TRAT1: variants seen among roughly 807,000 people sequenced by gnomAD.
TRAT1 encodes the protein T-cell receptor-associated transmembrane adapter 1.
In TRAT1, 20 loss-of-function variants were observed where a neutral mutation model predicts 20.0. The ratio of observed to expected loss-of-function variants is 1.00; its 90% CI spans 0.70 to 1.45. The LOEUF is 1.45. Among genes scored for constraint, TRAT1 ranks in the 40% most tolerant of loss-of-function variants. The pLI, the probability that TRAT1 is intolerant of heterozygous loss-of-function variation, is 0.00. For synonymous variants in TRAT1, 77 were observed against 74.2 expected, an observed-to-expected ratio of 1.04 and a Z score of -0.20; for missense variants, 237 against 224.1, an observed-to-expected ratio of 1.06 and a Z score of -0.37.
intron 5 of TRAT1, among the ~76,000 whole-genome samples, 156 bp from the exon 6 acceptor site, chr3:108,853,462 CTG>C (rs754187649): frequency 4.6e-5 from 7 of 152,122 alleles, no homozygotes; most frequent in Admixed American, 2.0e-4. Flanking sequence ...GTTTTCTGTT[CTG>C]TTTTTTGTTT....
intron 1 of TRAT1, among the ~76,000 whole-genome samples, chr3:108,826,916 A>C (rs76158826): frequency 0.011 from 1,686 of 152,304 alleles, 30 homozygotes; most frequent in African/African-American, 0.038. Context: ...AAGACATTAT[A>C]TTTGCTTAGC....
intron 3 of TRAT1, 126 bp from the exon 4 acceptor site, chr3:108,846,942 C>A: frequency 3.1e-6 from 2 of 653,238 alleles, no homozygotes; most frequent in African/African-American, 1.8e-5. Flanking sequence ...ACACACCTAC[C>A]GTGGTTGGCT....
intron 2 of TRAT1, among the ~76,000 whole-genome samples, chr3:108,835,618 A>G (rs1383536419): frequency 6.6e-6 from 1 of 152,194 alleles, no homozygotes; most frequent in Non-Finnish European, 1.5e-5. Flanking sequence ...TGCAGATTAT[A>G]CATTTACATC....
intron 3 of TRAT1, among the ~76,000 whole-genome samples, chr3:108,843,887 AG>A (rs887027633): frequency 1.3e-5 from 2 of 152,192 alleles, no homozygotes; most frequent in Non-Finnish European, 2.9e-5. Flanking sequence ...TTCTCTTACC[AG>A]CAGCCCCTTC....
chr3:108,846,400 A>G (rs1945942533), intron 3 of TRAT1, among the ~76,000 whole-genome samples: 1 of 152,206 alleles, frequency 6.6e-6, no homozygotes, highest in Non-Finnish European at 1.5e-5. Context: ...CCTGTAAAGC[A>G]GGGAAGAATA....
chr3:108,829,858 G>A (rs993809795), intron 1 of TRAT1, among the ~76,000 whole-genome samples: 7 of 151,988 alleles, frequency 4.6e-5, no homozygotes, highest in Non-Finnish European at 5.9e-5. Context: ...CTATATTAGT[G>A]GTTTATGTAT....
In TRAT1 at chr3:108,844,861, A is replaced by AG. The variant is rs796264528; in HGVS notation, c.153-2207_153-2206insG. 7.6e-3 allele frequency among the ~76,000 whole-genome samples: 1,037 copies of AG among 137,284 alleles called. 31 individuals are homozygous for AG. The highest frequency in any genetic ancestry group is 0.011 in the Middle Eastern group (3 of 268). 90.1% of individuals were successfully genotyped at this position (137,284 alleles called of 152,430 possible). On this transcript the variant is annotated intron_variant, in intron 3 of 5. Coordinates refer to ENST00000295756, the MANE Select transcript of TRAT1 (RefSeq NM_016388.4). ...TCTGTCTCAAAAAAAAAAAAAAAAA[A>AG]AAAAAAAAGAAATACGTGTATATAT...
chr3:108,833,698 C>T lies in TRAT1; in HGVS notation c.118+2918C>T, dbSNP rs1945814673. 4.6e-5 allele frequency among the ~76,000 whole-genome samples: 7 copies of T among 152,096 alleles called. 2 individuals are homozygous for T. The South Asian group carries it at 1.5e-3, about 32-fold the overall frequency. On this transcript the variant is annotated intron_variant, in intron 2 of 5. Coordinates refer to ENST00000295756, the MANE Select transcript of TRAT1 (RefSeq NM_016388.4). ...TTAGAACTCTGCCTTCAATATTTAG[C>T]TGGAAGATCTTGTACAAGTAACATA... is the stretch of plus-strand genomic sequence containing the variant.
chr3:108,841,413 G>C (rs912530996), intron 3 of TRAT1, among the ~76,000 whole-genome samples: 2 of 152,054 alleles, frequency 1.3e-5, no homozygotes, highest in Non-Finnish European at 2.9e-5. Context: ...GGGCATGGAA[G>C]CTCCACAAAC....
chr3:108,841,687 C>T (rs1945898114), intron 3 of TRAT1, among the ~76,000 whole-genome samples: 1 of 152,140 alleles, frequency 6.6e-6, no homozygotes, highest in East Asian at 1.9e-4. Flanking sequence ...TTTCCCCATT[C>T]CCTGCCCTTC....
At chr3:108,853,015 C>A (rs2107517430) in intron 5 of TRAT1, among the ~76,000 whole-genome samples, 1 of 152,178 alleles carries the variant, frequency 6.6e-6, no homozygotes, top group South Asian at 2.1e-4. Flanking sequence ...CAAGGCCAAT[C>A]CAAAATGAGC....
intron 5 of TRAT1, among the ~76,000 whole-genome samples, chr3:108,853,322 G>C (rs1946013785): frequency 6.6e-6 from 1 of 152,160 alleles, no homozygotes; most frequent in Admixed American, 6.5e-5. Flanking sequence ...CTTAGGTGGA[G>C]GTGGAGGTAG....
At chr3:108,852,567 G>C (rs1559826253) in intron 5 of TRAT1, among the ~76,000 whole-genome samples, 3 of 152,190 alleles carry the variant, frequency 2.0e-5, no homozygotes, top group Admixed American at 2.0e-4. Context: ...TCTTCACCCT[G>C]TTCCTGCAAA....
At chr3:108,823,945 C>T (rs997874961) in intron 1 of TRAT1, among the ~76,000 whole-genome samples, 1 of 152,022 alleles carries the variant, frequency 6.6e-6, no homozygotes, top group African/African-American at 2.4e-5. Flanking sequence ...AATCTTGGCT[C>T]ACTGCAACCT....
chr3:108,830,531 T>G (rs1285274955), intron 1 of TRAT1, 139 bp from the exon 2 acceptor site: 2 of 577,144 alleles, frequency 3.5e-6, no homozygotes, highest in Non-Finnish European at 6.2e-6. Context: ...AAAAAAGTTA[T>G]GAATATTAAT....
chr3:108,853,942 C>T lies in TRAT1; in HGVS notation c.*65C>T. The T allele has an allele frequency of 1.3e-6, 2 of 1,483,506 alleles. No individual in the cohort carries two copies. The highest frequency in any genetic ancestry group is 1.9e-6 in the Non-Finnish European group (2 of 1,076,004). 91.9% of individuals were successfully genotyped at this position (1,483,506 alleles called of 1,614,324 possible). ...AGATGGCTTCTAAGAAAACAAGATG[C>T]ACAGAGGACACAGAAGGACTTGGCA... On this transcript the variant is annotated 3_prime_UTR_variant, in exon 6 of 6. Coordinates refer to ENST00000295756, the MANE Select transcript of TRAT1 (RefSeq NM_016388.4).
rs1002260889 is a variant in TRAT1, at chr3:108,853,670, G to T, written c.354G>T (p.Lys118Asn). 1.9e-5 allele frequency: 30 copies of T among 1,613,962 alleles called. No homozygotes were observed. Among genetic ancestry groups the T allele is most frequent in the Non-Finnish European group, 2.3e-5 (27 of 1,179,976 alleles). Residue 118 changes from lysine (K) to asparagine (N), a missense_variant, in exon 6 of 6, where the codon AAG (lysine) becomes AAT (asparagine). Lys to Asn is a moderately conservative substitution (Grantham distance 94). Coordinates refer to ENST00000295756, the MANE Select transcript of TRAT1 (RefSeq NM_016388.4). ...ACGCCTCACTTGATCACAGCGTTAA[G>T]GGGAAGCGTAGAAAGCCCAGGAAAC... is the stretch of plus-strand genomic sequence containing the variant. Reference protein sequence around the residue: ...MCYASLDHSVKGKRRKPRKQN... With the variant: ...MCYASLDHSVNGKRRKPRKQN...
At chr3:108,823,068 A>G (rs1278142290) in intron 1 of TRAT1, 134 bp downstream of exon 1, 1 of 750,074 alleles carries the variant, frequency 1.3e-6, no homozygotes, top group African/African-American at 1.9e-5. Flanking sequence ...TAGTGTAATT[A>G]AAATATATTT....
chr3:108,837,868 C>T (rs535283327), intron 2 of TRAT1, among the ~76,000 whole-genome samples: 1 of 152,232 alleles, frequency 6.6e-6, no homozygotes, highest in East Asian at 1.9e-4. Flanking sequence ...TTATCCCTTA[C>T]TTTTTTTCAA....
Sources: gnomAD v4.1 joint callset for allele counts (sites outside exome capture counted in the v4.1 genomes callset) on GRCh38, gnomAD v4.1.1 for gene constraint, MANE v1.5 for transcripts, NCBI Gene and HGNC (gene_info 2026-07-23, HGNC 2026-07-21) for gene names.